The following GRM7 variants were observed in gnomAD, a reference collection of about 807,000 sequenced individuals.
GRM7 encodes the protein glutamate metabotropic receptor 7.
In GRM7, 35 loss-of-function variants were observed where a neutral mutation model predicts 84.5. The observed-to-expected ratio is 0.41, with a 90% CI of 0.32 to 0.55. The LOEUF (loss-of-function observed/expected upper bound fraction) is 0.55, where lower values mean the gene tolerates loss of function less well. GRM7 is among the 20% of genes least tolerant of loss of function. GRM7 has a pLI of 0.19. For missense variants in GRM7, 1,003 were observed against 1,194.6 expected (o/e 0.84, Z 2.36); for synonymous variants, 487 against 455.1 (o/e 1.07, Z -0.89).
At chr3:7,441,968 T>C (rs971697663) in intron 5 of GRM7, among the ~76,000 whole-genome samples, 1 of 152,168 alleles carries the variant, frequency 6.6e-6, no homozygotes, top group African/African-American at 2.4e-5. Context: ...TGGGTTCTTT[T>C]TGGTTCCATA....
chr3:7,645,546 TA>T (rs71043684), intron 8 of GRM7, among the ~76,000 whole-genome samples: 3,609 of 87,650 alleles, frequency 0.041, 110 homozygotes, highest in African/African-American at 0.14. Flanking sequence ...GACTCCATCT[TA>T]AAAAAAAAAA....
chr3:7,414,588 A>T (rs1045145184), intron 4 of GRM7, among the ~76,000 whole-genome samples: 2 of 152,158 alleles, frequency 1.3e-5, no homozygotes, highest in African/African-American at 4.8e-5. Context: ...TATTGGACTC[A>T]GTTCACCTAC....
chr3:7,625,192 T>G (rs1697550353), intron 8 of GRM7, among the ~76,000 whole-genome samples: 4 of 152,170 alleles, frequency 2.6e-5, no homozygotes, highest in African/African-American at 9.6e-5. Context: ...AACACTCTGG[T>G]AGCTGTCATA....
intron 1 of GRM7, among the ~76,000 whole-genome samples, chr3:6,887,380 C>A (rs1013242323): frequency 6.6e-6 from 1 of 151,986 alleles, no homozygotes; most frequent in Non-Finnish European, 1.5e-5. Flanking sequence ...TCCCTCCCCC[C>A]TTCCCCCACC....
intron 7 of GRM7, among the ~76,000 whole-genome samples, chr3:7,508,333 G>A (rs921454016): frequency 1.3e-5 from 2 of 152,024 alleles, no homozygotes. Flanking sequence ...TTGAGAGAAG[G>A]CACCAATCTG....
chr3:7,544,281 G>C (rs917619773), intron 7 of GRM7, among the ~76,000 whole-genome samples: 17 of 152,206 alleles, frequency 1.1e-4, no homozygotes, highest in Admixed American at 2.6e-4. Flanking sequence ...TCCTGCCTTA[G>C]CCTCTTGAGT....
chr3:7,679,664 C>A lies in GRM7; in HGVS notation c.2452-385C>A, dbSNP rs571300941. Among the ~76,000 whole-genome samples, 137 of 152,240 alleles carry A rather than the reference C, an allele frequency of 9.0e-4. 1 individual carries two copies. In the South Asian group the frequency reaches 0.027, roughly 30 times the overall value. On this transcript the variant is annotated intron_variant, in intron 8 of 9. Transcript: ENST00000357716. The stretch of plus-strand genomic sequence containing the variant: ...GTAGGAAGAAATCATGGAGTGTGAA[C>A]CCTCTTTTACATGTATGAAAGATAA...
intron 4 of GRM7, among the ~76,000 whole-genome samples, chr3:7,334,938 G>C (rs1412013975): frequency 2.0e-5 from 3 of 152,060 alleles, no homozygotes; most frequent in Non-Finnish European, 4.4e-5. Flanking sequence ...CCTAAGAAAT[G>C]AGATAGACAG....
chr3:7,350,401 G>A (rs775619410), intron 4 of GRM7, among the ~76,000 whole-genome samples: 35 of 151,840 alleles, frequency 2.3e-4, no homozygotes, highest in Non-Finnish European at 4.7e-4. Flanking sequence ...TTCTTGATTT[G>A]GTTGTTTAAT....
chr3:7,633,529 C>T (rs549830810), intron 8 of GRM7, among the ~76,000 whole-genome samples: 5 of 151,980 alleles, frequency 3.3e-5, no homozygotes, highest in South Asian at 2.1e-4. Flanking sequence ...GTGTGCATAG[C>T]GGGGTGTGTG....
intron 1 of GRM7, among the ~76,000 whole-genome samples, chr3:7,141,053 G>A (rs1693929897): frequency 6.6e-6 from 1 of 151,986 alleles, no homozygotes; most frequent in African/African-American, 2.4e-5. Context: ...AAATTAGAAT[G>A]ATACTAGTTG....
At chr3:7,108,164 C>T (rs1692718629) in intron 1 of GRM7, among the ~76,000 whole-genome samples, 1 of 152,028 alleles carries the variant, frequency 6.6e-6, no homozygotes, top group Non-Finnish European at 1.5e-5. Flanking sequence ...AAGTGCTGCA[C>T]GATAGAGTAT....
At chr3:7,587,490 A>G (rs1490812240) in intron 8 of GRM7, among the ~76,000 whole-genome samples, 1 of 152,180 alleles carries the variant, frequency 6.6e-6, no homozygotes, top group Non-Finnish European at 1.5e-5. Flanking sequence ...AGGCTGTAAT[A>G]TAAATTAGCG....
intron 4 of GRM7, among the ~76,000 whole-genome samples, chr3:7,373,819 T>C (rs1694235615): frequency 6.6e-6 from 1 of 152,208 alleles, no homozygotes; most frequent in African/African-American, 2.4e-5. Flanking sequence ...ATAGTCAATA[T>C]CTGTGCTGGG....
At chr3:7,195,101 T>C (rs1174542248) in intron 2 of GRM7, among the ~76,000 whole-genome samples, 4 of 152,180 alleles carry the variant, frequency 2.6e-5, no homozygotes, top group African/African-American at 9.6e-5. Flanking sequence ...GCCTAGTACA[T>C]TATGCATAAT....
chr3:7,713,586 G>A (rs930825903), intron 9 of GRM7, among the ~76,000 whole-genome samples: 2 of 152,044 alleles, frequency 1.3e-5, no homozygotes, highest in African/African-American at 2.4e-5. Context: ...ACCCTTGAAT[G>A]AGTTCTCTGA....
intron 2 of GRM7, among the ~76,000 whole-genome samples, chr3:7,280,713 A>G (rs1559549653): frequency 6.6e-6 from 1 of 152,226 alleles, no homozygotes; most frequent in East Asian, 1.9e-4. Flanking sequence ...GTAAAATTCT[A>G]TAGCACTATA....
At chr3:7,247,601 T>TA (rs1697817704) in intron 2 of GRM7, among the ~76,000 whole-genome samples, 3 of 136,724 alleles carry the variant, frequency 2.2e-5, no homozygotes, top group East Asian at 2.0e-4. Context: ...CTCTTTTTTT[T>TA]TAAAAAAAAA....
intron 8 of GRM7, among the ~76,000 whole-genome samples, chr3:7,631,346 C>T (rs572470605): frequency 4.8e-5 from 7 of 147,210 alleles, no homozygotes; most frequent in East Asian, 2.1e-4. Context: ...ATTCAGGAGC[C>T]GCACAGAAGG....
Sources: allele counts gnomAD v4.1 joint callset (sites outside exome capture counted in the v4.1 genomes callset), GRCh38; gene constraint gnomAD v4.1.1; transcripts MANE v1.5; gene names NCBI Gene and HGNC (gene_info 2026-07-23, HGNC 2026-07-21).